The following GTF2I variants were observed in gnomAD, a reference collection of about 807,000 sequenced individuals.
GTF2I encodes the protein general transcription factor II-I.
GTF2I carries 12 observed loss-of-function variants against 67.6 expected under a neutral mutation model. The observed-to-expected ratio is 0.18, with a 90% CI of 0.11 to 0.29. The LOEUF (loss-of-function observed/expected upper bound fraction) is 0.29, where lower values mean the gene tolerates loss of function less well. Ranked by LOEUF, GTF2I falls within the 10% of genes least tolerant of loss-of-function variation. The pLI is 1.00. For synonymous variants in GTF2I, 149 were observed against 197.0 expected (o/e 0.76, Z 2.04); for missense variants, 271 against 580.1 (o/e 0.47, Z 5.47).
At chr7:74,661,784 C>T (rs782699584) in intron 1 of GTF2I, among the ~76,000 whole-genome samples, 1 of 152,096 alleles carries the variant, frequency 6.6e-6, no homozygotes, top group Non-Finnish European at 1.5e-5. Flanking sequence ...TCCTGTTAGC[C>T]ATGATTAGAA....
chr7:74,688,533 T>C (rs1455677984), intron 1 of GTF2I, among the ~76,000 whole-genome samples: 3 of 152,186 alleles, frequency 2.0e-5, no homozygotes, highest in Non-Finnish European at 4.4e-5. Flanking sequence ...CTCCGCTCAC[T>C]GCAGCCTCCG....
chr7:74,662,437 T>TG (rs1384249268), intron 1 of GTF2I, among the ~76,000 whole-genome samples: 1 of 148,362 alleles, frequency 6.7e-6, no homozygotes, highest in Non-Finnish European at 1.5e-5. Flanking sequence ...CTCGAACTCC[T>TG]GACCTCAGGT....
intron 6 of GTF2I, among the ~76,000 whole-genome samples, chr7:74,704,244 G>A (rs1790253784): frequency 1.3e-5 from 2 of 148,264 alleles, no homozygotes; most frequent in Admixed American, 1.3e-4. Context: ...AGACTTAAAA[G>A]TTTTTTTTAA....
At chr7:74,706,111 G>A (rs1790643344) in intron 7 of GTF2I, among the ~76,000 whole-genome samples, 1 of 151,876 alleles carries the variant, frequency 6.6e-6, no homozygotes, top group South Asian at 2.1e-4. Flanking sequence ...GTAGAGATGA[G>A]GTTTCACCAT....
At chr7:74,706,747 T>C (rs1790760059) in intron 8 of GTF2I, among the ~76,000 whole-genome samples, 1 of 152,188 alleles carries the variant, frequency 6.6e-6, no homozygotes, top group African/African-American at 2.4e-5. Flanking sequence ...CAAAAATCAA[T>C]AGAATGCCCC....
chr7:74,728,325 CAAA>C (rs1229692342), intron 12 of GTF2I, among the ~76,000 whole-genome samples: 3 of 150,248 alleles, frequency 2.0e-5, no homozygotes, highest in Non-Finnish European at 3.0e-5. Context: ...AAAACAAAAA[CAAA>C]AAAAAACTAT....
intron 1 of GTF2I, among the ~76,000 whole-genome samples, chr7:74,685,616 A>G (rs2131272288): frequency 6.6e-6 from 1 of 152,008 alleles, no homozygotes; most frequent in East Asian, 1.9e-4. Flanking sequence ...AAAATACAAA[A>G]ATTAGTTGGG....
At position 74,690,301 on chromosome 7, in the gene GTF2I, C is replaced by T. The variant is rs587743927; in HGVS notation, c.100-672C>T. Among the ~76,000 whole-genome samples the T allele has an allele frequency of 3.9e-5, 6 of 152,108 alleles. No homozygotes were observed. In the South Asian group the frequency reaches 1.2e-3, roughly 32 times the overall value. On this transcript the variant is annotated intron_variant, in intron 2 of 34. Transcript: ENST00000573035. The stretch of plus-strand genomic sequence containing the variant: ...TTTTTAGGGGGGAAAATTGGAATCA[C>T]CAACCTTTTAAATAATGTTATCAGT...
At chr7:74,723,122 A>AG (rs1793240543) in intron 12 of GTF2I, among the ~76,000 whole-genome samples, 1 of 113,502 alleles carries the variant, frequency 8.8e-6, no homozygotes, top group South Asian at 3.6e-4. Flanking sequence ...AGGTGCTAAG[A>AG]GTTTTTTTTT....
intron 3 of GTF2I, among the ~76,000 whole-genome samples, chr7:74,692,832 G>A (rs1291624313): frequency 1.3e-5 from 2 of 152,018 alleles, no homozygotes; most frequent in East Asian, 1.9e-4. Context: ...GTGCGATCTC[G>A]GCTCACCGCA....
Position 74,706,426 on chromosome 7 carries a change from A to G in GTF2I, c.678A>G (p.Glu226=). 6.2e-7 allele frequency: 1 copy of G among 1,610,874 alleles called. No homozygotes were observed. Among genetic ancestry groups the G allele is most frequent in the Non-Finnish European group, 8.5e-7 (1 of 1,177,040 alleles). ...TCAAAGTGAAAACTGAACCCACAGA[A>G]GATTCTGGTATGTACTAGCACTTTT... ...GPIKVKTEPT[E]DSGISLEMAA... is the part of the protein sequence containing the mutation. Residue 226 remains glutamate (E), a synonymous_variant, in exon 8 of 35, where the codon GAA becomes GAG. Transcript: ENST00000573035.
intron 1 of GTF2I, chr7:74,684,829 A>G (rs782122077): frequency 1.3e-5 from 2 of 152,192 alleles, no homozygotes; most frequent in Non-Finnish European, 2.9e-5. Context: ...TCTTACACAC[A>G]TTGAGTGTGA....
intron 1 of GTF2I, among the ~76,000 whole-genome samples, chr7:74,668,173 CTTTTT>C (rs781864782): frequency 2.2e-5 from 2 of 92,960 alleles, no homozygotes. Flanking sequence ...TGGTGCAGAA[CTTTTT>C]TTTTTTTTTT....
At chr7:74,702,118 G>A (rs782322687) in intron 6 of GTF2I, among the ~76,000 whole-genome samples, 20 of 152,014 alleles carry the variant, frequency 1.3e-4, no homozygotes, top group Non-Finnish European at 2.4e-4. Flanking sequence ...TGGGAATAAT[G>A]TTACAGTGAA....
chr7:74,683,771 C>G (rs782169198), intron 1 of GTF2I, among the ~76,000 whole-genome samples: 1 of 151,986 alleles, frequency 6.6e-6, no homozygotes, highest in Non-Finnish European at 1.5e-5. Flanking sequence ...GAGAATTACT[C>G]GCACCCAGGA....
At position 74,690,961 on chromosome 7, in the gene GTF2I, T is replaced by C; in HGVS notation, c.100-12T>C. The stretch of plus-strand genomic sequence containing the variant: ...TCCGCCTGTAACATGATGTTTGCTG[T>C]TTGTATTGTAGTGTAAAGAACTGGC... On this transcript the variant is annotated splice_polypyrimidine_tract_variant and intron_variant, in intron 2 of 34. Transcript: ENST00000573035. The C allele has an allele frequency of 6.2e-7, 1 of 1,604,992 alleles. No individual in the cohort carries two copies. The highest frequency in any genetic ancestry group is 8.5e-7 in the Non-Finnish European group (1 of 1,177,768).
intron 1 of GTF2I, among the ~76,000 whole-genome samples, chr7:74,679,224 G>T (rs1285080026): frequency 6.6e-6 from 1 of 150,952 alleles, no homozygotes; most frequent in Non-Finnish European, 1.5e-5. Context: ...GATTACAGGC[G>T]CCCACCACAC....
intron 7 of GTF2I, among the ~76,000 whole-genome samples, 199 bp downstream of exon 7, chr7:74,705,417 G>C (rs1396533253): frequency 6.6e-6 from 1 of 152,134 alleles, no homozygotes; most frequent in East Asian, 1.9e-4. Context: ...CCTGGGAAAA[G>C]CCAGAGGCAT....
intron 12 of GTF2I, among the ~76,000 whole-genome samples, chr7:74,725,837 TTC>T (rs1284645712): frequency 3.9e-5 from 6 of 151,990 alleles, no homozygotes; most frequent in African/African-American, 1.4e-4. Context: ...ATTTGCCTTT[TTC>T]TCTTTCTTTT....
Sources: gnomAD v4.1 joint callset for allele counts (sites outside exome capture counted in the v4.1 genomes callset) on GRCh38, gnomAD v4.1.1 for gene constraint, MANE v1.5 for transcripts, NCBI Gene and HGNC (gene_info 2026-07-23, HGNC 2026-07-21) for gene names.